JADE2: variants seen among roughly 807,000 people sequenced by gnomAD.
JADE2 encodes jade family PHD finger 2, also known as E3 ubiquitin-protein ligase Jade-2.
JADE2 carries 13 observed loss-of-function variants against 85.7 expected under a neutral mutation model. That is an observed-to-expected ratio of 0.15 (90% CI 0.10 to 0.24). The LOEUF is 0.24. Among genes scored for constraint, JADE2 ranks in the 10% least tolerant of loss-of-function variants. The pLI is 1.00. For synonymous variants in JADE2, 440 were observed against 456.1 expected (o/e 0.96, Z 0.45); for missense variants, 846 against 1,115.9 (o/e 0.76, Z 3.45).
At chr5:134,526,790 A>G in intron 1 of JADE2, 1 of 982,442 alleles carries the variant, frequency 1.0e-6, no homozygotes, top group Non-Finnish European at 1.2e-6. Context: ...CCTCGGCGCC[A>G]GGGGTGAGGA....
intron 3 of JADE2, among the ~76,000 whole-genome samples, chr5:134,540,381 G>C (rs1230241578): frequency 6.6e-6 from 1 of 151,564 alleles, no homozygotes; most frequent in Non-Finnish European, 1.5e-5. Flanking sequence ...ACTATGCCTG[G>C]CTAATTTTTT....
chr5:134,568,986 A>C lies in JADE2; in HGVS notation c.1434+2406A>C, dbSNP rs548844441. Reference sequence around the variant, plus strand: ...GAAGATGGGGCAGGGCTTGAGGTCGAGGCCTTGGTAGCCTGACTTTGCATC... The same window carrying C: ...GAAGATGGGGCAGGGCTTGAGGTCGCGGCCTTGGTAGCCTGACTTTGCATC... On this transcript the variant is annotated intron_variant, in intron 9 of 11. Transcript: ENST00000681547. Among the ~76,000 whole-genome samples the C allele has an allele frequency of 2.6e-5, 4 of 152,334 alleles. No homozygotes were observed. The East Asian group carries it at 7.7e-4, about 29-fold the overall frequency.
chr5:134,564,576 G>A lies in JADE2; in HGVS notation c.935G>A (p.Ser312Asn), dbSNP rs755857800. 1.3e-6 allele frequency: 2 copies of A among 1,563,136 alleles called. No homozygotes were observed. The highest frequency in any genetic ancestry group is 1.2e-5 in the South Asian group (1 of 84,796). Residue 312 changes from serine (S) to asparagine (N), a missense_variant, in exon 8 of 12, where the codon AGC (serine) becomes AAC (asparagine). This residue lies in a region of JADE2 where 129 missense variants were observed against 255.4 expected (regional missense o/e 0.51). Coordinates refer to ENST00000681547, the MANE Select transcript of JADE2 (RefSeq NM_001388185.1). ...GCCAGCCGCTGGGCTCTGTCCTGCA[G>A]CCTCTGCAAGGAATGCACAGGCACC... ...IPASRWALSC[S>N]LCKECTGTCI... is the part of the protein sequence containing the mutation.
intron 9 of JADE2, among the ~76,000 whole-genome samples, chr5:134,572,874 G>T (rs1764123852): frequency 6.6e-6 from 1 of 152,242 alleles, no homozygotes; most frequent in South Asian, 2.1e-4. Context: ...GCCCCAAGGG[G>T]CTCTTCCCAG....
chr5:134,566,621 T>C lies in JADE2; in HGVS notation c.1434+41T>C, dbSNP rs773011044. 10 of 1,389,620 alleles carry C rather than the reference T, an allele frequency of 7.2e-6. No individual in the cohort carries two copies. Among genetic ancestry groups the C allele is most frequent in the African/African-American group, 1.4e-5 (1 of 69,614 alleles). The allele number at this position is 1,389,620 out of a possible 1,614,324, so 86.1% of individuals were successfully genotyped here. Reference sequence around the variant, plus strand: ...GCCTGCCCACCCCCTGCCTGGTGGGTCCAGGAGTCCTTTCCATGCCACACT... The same window carrying C: ...GCCTGCCCACCCCCTGCCTGGTGGGCCCAGGAGTCCTTTCCATGCCACACT... On this transcript the variant is annotated intron_variant, in intron 9 of 11. Coordinates refer to ENST00000681547, the MANE Select transcript of JADE2 (RefSeq NM_001388185.1). This position sits in a 1 kb window ranked among gnomAD's most constrained non-coding sequence, Gnocchi z 6.7.
In JADE2 at chr5:134,578,401, A is replaced by G; in HGVS notation, c.1682-93A>G. On this transcript the variant is annotated intron_variant, in intron 11 of 11. Transcript: ENST00000681547. This position sits in a 1 kb window ranked among gnomAD's most constrained non-coding sequence, Gnocchi z 4.4. ...GGCACAGGGGGACAGAGAGAAGACGATGCCTGGTGGTGTGCTGGGAGCGTC... is the reference window on the plus strand; with the variant it reads ...GGCACAGGGGGACAGAGAGAAGACGGTGCCTGGTGGTGTGCTGGGAGCGTC... The G allele has an allele frequency of 2.1e-6, 2 of 937,908 alleles. No individual in the cohort carries two copies. Among genetic ancestry groups the G allele is most frequent in the Non-Finnish European group, 3.3e-6 (2 of 608,224 alleles). 58.1% of individuals were successfully genotyped at this position (937,908 alleles called of 1,614,324 possible).
At position 134,579,462 on chromosome 5, in the gene JADE2, A is replaced by T. The variant is rs1581497208; in HGVS notation, c.*145A>T. 1.6e-6 allele frequency: 1 copy of T among 638,926 alleles called. No homozygotes were observed. Among genetic ancestry groups the T allele is most frequent in the Non-Finnish European group, 2.7e-6 (1 of 374,184 alleles). The allele number at this position is 638,926 out of a possible 1,614,324, so 39.6% of individuals were successfully genotyped here. A position where few individuals can be genotyped will look rare whatever the true frequency, so the allele number is the denominator to read the frequency against. On this transcript the variant is annotated 3_prime_UTR_variant, in exon 12 of 12. Transcript: ENST00000681547. The surrounding 1 kb of genome is among the most constrained non-coding windows in gnomAD (Gnocchi z 4.6). ...GTGGTTTTATTTTTAATATAGAGAGAGTTTTGAATTCTACACTGTTGTCTT... is the reference window on the plus strand; with the variant it reads ...GTGGTTTTATTTTTAATATAGAGAGTGTTTTGAATTCTACACTGTTGTCTT...
intron 11 of JADE2, 193 bp downstream of exon 11, chr5:134,577,089 ACAT>A (rs1180562914): frequency 1.6e-6 from 1 of 613,098 alleles, no homozygotes; most frequent in Non-Finnish European, 2.7e-6. Context: ...GCCCCGTGTG[ACAT>A]CCTGGGAAAT....
chr5:134,533,138 C>T (rs1761356486), intron 1 of JADE2, among the ~76,000 whole-genome samples: 1 of 152,134 alleles, frequency 6.6e-6, no homozygotes, highest in African/African-American at 2.4e-5. Context: ...TCGAGGGCAC[C>T]TTCCTTACTG....
Position 134,527,626 on chromosome 5 carries a change from C to T in JADE2, c.-1+1615C>T, listed in dbSNP as rs1330042666. On this transcript the variant is annotated intron_variant, in intron 1 of 11. Coordinates refer to ENST00000681547, the MANE Select transcript of JADE2 (RefSeq NM_001388185.1). ...GCCCTTCCTTCGCCTGGGCCGGAGC[C>T]CCCCGCAGCCTCCTCCGGCTCCTCC... 2.0e-5 allele frequency among the ~76,000 whole-genome samples: 3 copies of T among 151,988 alleles called. No homozygotes were observed. In the East Asian group the frequency reaches 5.9e-4, roughly 30 times the overall value.
Position 134,579,419 on chromosome 5 carries a change from CG to C in JADE2, c.*103del. 2.3e-6 allele frequency: 2 copies of C among 880,866 alleles called. No homozygotes were observed. The highest frequency in any genetic ancestry group is 3.4e-6 in the Non-Finnish European group (2 of 592,744). 54.6% of individuals were successfully genotyped at this position (880,866 alleles called of 1,614,324 possible). A position where few individuals can be genotyped will look rare whatever the true frequency, so the allele number is the denominator to read the frequency against. The stretch of plus-strand genomic sequence containing the variant: ...GTCTCTGCTGAGTGTCCCAGACCCT[CG>C]AGGCTGCCACTCCGTCGTGGTTTTA... On this transcript the variant is annotated 3_prime_UTR_variant, in exon 12 of 12. Transcript: ENST00000681547. This position sits in a 1 kb window ranked among gnomAD's most constrained non-coding sequence, Gnocchi z 4.6.
intron 3 of JADE2, among the ~76,000 whole-genome samples, chr5:134,539,223 G>A (rs1456930553): frequency 4.6e-5 from 7 of 151,834 alleles, no homozygotes; most frequent in African/African-American, 1.2e-4. Flanking sequence ...CACCACACCC[G>A]GCTAATTTTT....
At chr5:134,530,477 G>T (rs1048550822) in intron 1 of JADE2, among the ~76,000 whole-genome samples, 8 of 152,238 alleles carry the variant, frequency 5.3e-5, no homozygotes, top group African/African-American at 1.9e-4. Context: ...TGGAGGCCAG[G>T]TTGGGGTGTT....
intron 3 of JADE2, 147 bp from the exon 4 acceptor site, chr5:134,551,905 G>T: frequency 1.3e-6 from 1 of 757,270 alleles, no homozygotes; most frequent in Non-Finnish European, 2.3e-6. Context: ...GTTATTTATT[G>T]TGCTGATTGC....
chr5:134,550,106 G>C (rs1762514672), intron 3 of JADE2, among the ~76,000 whole-genome samples: 1 of 152,226 alleles, frequency 6.6e-6, no homozygotes, highest in African/African-American at 2.4e-5. Context: ...TATCTGGGCT[G>C]TGAAATCTTA....
Position 134,566,272 on chromosome 5 carries a change from G to A in JADE2, c.1126G>A (p.Glu376Lys). Residue 376 changes from glutamate (E) to lysine (K), a missense_variant, in exon 9 of 12, where the codon GAG (glutamate) becomes AAG (lysine). By Grantham distance (56) the Glu-to-Lys change is moderately conservative. Around this residue, in one of 9 missense-constraint regions of JADE2, gnomAD observed 88 missense variants for 140.6 expected, o/e 0.63. Coordinates refer to ENST00000681547, the MANE Select transcript of JADE2 (RefSeq NM_001388185.1). The surrounding 1 kb of genome is among the most constrained non-coding windows in gnomAD (Gnocchi z 6.7). ...GGGCCCACGTAATGAGCCCACATCT[G>A]AGCCCACGGAACCCAGCCAGGCTGG... ...DGGPRNEPTS[E>K]PTEPSQAGED... 6.2e-7 allele frequency: 1 copy of A among 1,614,168 alleles called. No homozygotes were observed. The highest frequency in any genetic ancestry group is 8.5e-7 in the Non-Finnish European group (1 of 1,180,038).
chr5:134,552,018 C>G, intron 3 of JADE2, 34 bp from the exon 4 acceptor site: 1 of 1,613,634 alleles, frequency 6.2e-7, no homozygotes, highest in Non-Finnish European at 8.5e-7. Flanking sequence ...CTGAGGCAGT[C>G]TGAAGTCACT....
intron 11 of JADE2, among the ~76,000 whole-genome samples, chr5:134,577,257 C>T (rs1423045053): frequency 6.6e-6 from 1 of 152,192 alleles, no homozygotes; most frequent in Non-Finnish European, 1.5e-5. Context: ...AAGCCCCATC[C>T]TTGTCCTACT....
intron 1 of JADE2, among the ~76,000 whole-genome samples, chr5:134,529,080 C>T (rs1761062884): frequency 6.6e-6 from 1 of 152,186 alleles, no homozygotes; most frequent in Non-Finnish European, 1.5e-5. Context: ...GGTGTTCTGG[C>T]TCTAACCTAG....
Sources: gnomAD v4.1 joint callset for allele counts (sites outside exome capture counted in the v4.1 genomes callset) on GRCh38, gnomAD v4.1.1 for gene constraint, gnomAD v4.1.1 regional missense constraint, Gnocchi (gnomAD v3.1) non-coding constraint, MANE v1.5 for transcripts, NCBI Gene and HGNC (gene_info 2026-07-23, HGNC 2026-07-21) for gene names.